WDPCP: variants seen among roughly 807,000 people sequenced by gnomAD.
The protein encoded by WDPCP is WD repeat containing planar cell polarity effector, also known as WD repeat-containing and planar cell polarity effector protein fritz homolog.
WDPCP carries 71 observed loss-of-function variants against 93.1 expected under a neutral mutation model. That is an observed-to-expected ratio of 0.76 (90% CI 0.63 to 0.93). The LOEUF is 0.93. Ranked by LOEUF, WDPCP falls within the 40% of genes least tolerant of loss-of-function variation. The probability of loss-of-function intolerance (pLI) is 0.00; values close to 1 mark genes in which losing one functional copy is unlikely to be tolerated. For missense variants in WDPCP, 844 were observed against 887.4 expected (o/e 0.95, Z 0.62); for synonymous variants, 315 against 315.0 (o/e 1.00, Z 0.00).
At chr2:63,702,975 G>C (rs1669085627) in intron 2 of WDPCP, among the ~76,000 whole-genome samples, 1 of 151,766 alleles carries the variant, frequency 6.6e-6, no homozygotes, top group Non-Finnish European at 1.5e-5. Context: ...TGTGGTGTTT[G>C]GTTTTTTGTC....
intron 1 of WDPCP, among the ~76,000 whole-genome samples, chr2:63,560,432 T>C (rs1365580096): frequency 1.3e-5 from 2 of 152,016 alleles, no homozygotes; most frequent in South Asian, 2.1e-4. Context: ...ATCTCAGAAA[T>C]AAGACCACAC....
At chr2:63,619,768 C>A (rs1319827198) in intron 3 of WDPCP, among the ~76,000 whole-genome samples, 2 of 152,176 alleles carry the variant, frequency 1.3e-5, no homozygotes, top group Non-Finnish European at 2.9e-5. Flanking sequence ...TCTGCAGCTC[C>A]CAGGCAGATC....
chr2:63,269,326 T>A lies in WDPCP; in HGVS notation c.1813-9917A>T, dbSNP rs1444536851. 5.3e-5 allele frequency among the ~76,000 whole-genome samples: 8 copies of A among 152,182 alleles called. No homozygotes were observed. The East Asian group carries it at 9.6e-4, about 18-fold the overall frequency. On this transcript the variant is annotated intron_variant, in intron 13 of 17. Transcript: ENST00000272321. ...TTTGCCAATTTGACTTATATTAGCA[T>A]CATCATTTAGCACTATTAAATGAAA...
At chr2:63,713,977 T>C (rs921760371) in intron 2 of WDPCP, among the ~76,000 whole-genome samples, 1 of 152,192 alleles carries the variant, frequency 6.6e-6, no homozygotes, top group African/African-American at 2.4e-5. Flanking sequence ...CCAAGTATAT[T>C]TTGGTTCTGT....
intron 1 of WDPCP, among the ~76,000 whole-genome samples, chr2:63,583,634 T>C (rs964053884): frequency 3.3e-5 from 5 of 150,884 alleles, no homozygotes; most frequent in Admixed American, 6.6e-5. Flanking sequence ...TGAGCCAAGA[T>C]TGCGCCACTG....
chr2:63,372,756 A>G (rs1005362084), intron 12 of WDPCP, among the ~76,000 whole-genome samples: 7 of 152,118 alleles, frequency 4.6e-5, no homozygotes, highest in Non-Finnish European at 8.8e-5. Flanking sequence ...CTTCCCAGAG[A>G]ATTGATTTTT....
chr2:63,666,522 T>C (rs1558879261), intron 2 of WDPCP, among the ~76,000 whole-genome samples: 1 of 152,194 alleles, frequency 6.6e-6, no homozygotes, highest in Non-Finnish European at 1.5e-5. Flanking sequence ...ACTTCCCTAC[T>C]GTTTTGGTGA....
In WDPCP at chr2:63,148,861, A is replaced by AACACAC. The variant is rs60091903; in HGVS notation, c.2190+4047_2190+4052dup. On this transcript the variant is annotated intron_variant, in intron 17 of 17. Transcript: ENST00000272321. ...ATAGGGTTAAAAGGACACAGGAGCCAACACACACACACACACACACACACA... is the reference window on the plus strand; with the variant it reads ...ATAGGGTTAAAAGGACACAGGAGCCAACACACACACACACACACACACACACACACA... Among the ~76,000 whole-genome samples, 139 of 149,332 alleles carry AACACAC rather than the reference A, an allele frequency of 9.3e-4. 1 individual carries two copies. The highest frequency in any genetic ancestry group is 3.1e-3 in the African/African-American group (126 of 40,568).
At chr2:63,175,017 T>G (rs1673701245) in intron 14 of WDPCP, among the ~76,000 whole-genome samples, 185 bp from the exon 15 acceptor site, 1 of 152,218 alleles carries the variant, frequency 6.6e-6, no homozygotes, top group Non-Finnish European at 1.5e-5. Context: ...AGCAGTTTGA[T>G]AACAGAATAG....
chr2:63,197,716 A>ATATTGT, intron 14 of WDPCP, among the ~76,000 whole-genome samples: 2 of 152,194 alleles, frequency 1.3e-5, no homozygotes, highest in Non-Finnish European at 2.9e-5. Flanking sequence ...ATAAGTGAGA[A>ATATTGT]CATGCAATAT....
At chr2:63,585,834 TC>T (rs143957321) in intron 1 of WDPCP, among the ~76,000 whole-genome samples, 2,691 of 123,578 alleles carry the variant, frequency 0.022, 38 homozygotes, top group Non-Finnish European at 0.028. Flanking sequence ...TAAATAATTT[TC>T]TTTTTTTTTT....
In WDPCP at chr2:63,657,205, G is replaced by GTTTTTTT. The variant is rs61597471; in HGVS notation, n.309-6374_309-6368dup. Among the ~76,000 whole-genome samples, 8 of 114,162 alleles carry GTTTTTTT rather than the reference G, an allele frequency of 7.0e-5. 1 individual carries two copies. Among genetic ancestry groups the GTTTTTTT allele is most frequent in the African/African-American group, 2.1e-4 (6 of 28,822 alleles). The allele number at this position is 114,162 out of a possible 152,430, so 74.9% of individuals were successfully genotyped here. ...ACAGATGAGACAGGTTCTGGGTGAT[G>GTTTTTTT]TTTTTTTTTTTTTTTTTGCGACGGA... On this transcript the variant is annotated intron_variant and non_coding_transcript_variant, in intron 2 of 4. Transcript: ENST00000467687.
intron 1 of WDPCP, among the ~76,000 whole-genome samples, chr2:63,562,078 C>A (rs1706669174): frequency 6.6e-6 from 1 of 152,112 alleles, no homozygotes. Flanking sequence ...AATGTATTTC[C>A]ACTGCAGCAC....
intron 13 of WDPCP, among the ~76,000 whole-genome samples, chr2:63,271,992 C>T (rs1021852306): frequency 1.3e-5 from 2 of 152,202 alleles, no homozygotes; most frequent in African/African-American, 4.8e-5. Flanking sequence ...ACCCACCAAC[C>T]ACTGCCACTG....
intron 3 of WDPCP, chr2:63,622,895 C>T (rs1297116025): frequency 5.0e-6 from 7 of 1,394,300 alleles, no homozygotes; most frequent in African/African-American, 2.9e-5. Flanking sequence ...GGGAGGCACG[C>T]GGGGGCCGGG....
At chr2:63,740,736 C>A (rs566703778) in intron 2 of WDPCP, among the ~76,000 whole-genome samples, 4 of 152,096 alleles carry the variant, frequency 2.6e-5, no homozygotes, top group African/African-American at 9.7e-5. Context: ...CTTCCTCAAA[C>A]CACAATTTCC....
chr2:63,428,688 T>C (rs1380116061), intron 9 of WDPCP, among the ~76,000 whole-genome samples: 2 of 152,144 alleles, frequency 1.3e-5, no homozygotes, highest in Admixed American at 6.5e-5. Flanking sequence ...ATGCCTACTC[T>C]CACCACTCCT....
chr2:63,732,289 T>C (rs554941083), intron 2 of WDPCP, among the ~76,000 whole-genome samples: 2 of 152,328 alleles, frequency 1.3e-5, no homozygotes, highest in African/African-American at 4.8e-5. Flanking sequence ...TACCATAGCA[T>C]TGATGCTATA....
At chr2:63,547,643 G>T (rs1705250980) in intron 1 of WDPCP, among the ~76,000 whole-genome samples, 1 of 151,542 alleles carries the variant, frequency 6.6e-6, no homozygotes, top group Non-Finnish European at 1.5e-5. Flanking sequence ...TCTGTCATTT[G>T]CAGCAACATA....
Sources: allele counts gnomAD v4.1 joint callset (sites outside exome capture counted in the v4.1 genomes callset), GRCh38; gene constraint gnomAD v4.1.1; transcripts MANE v1.5; gene names NCBI Gene and HGNC (gene_info 2026-07-23, HGNC 2026-07-21).